CPN1: variants seen among roughly 807,000 people sequenced by gnomAD.
CPN1 encodes carboxypeptidase N subunit 1.
CPN1 carries 37 observed loss-of-function variants against 46.4 expected under a neutral mutation model. The observed-to-expected ratio is 0.80, with a 90% CI of 0.61 to 1.05. The LOEUF (loss-of-function observed/expected upper bound fraction) is 1.05, where lower values mean the gene tolerates loss of function less well. CPN1 is among the 50% of genes least tolerant of loss of function. CPN1 has a pLI of 0.00. For missense variants in CPN1, 563 were observed against 602.6 expected, an observed-to-expected ratio of 0.93 and a Z score of 0.69; for synonymous variants, 224 against 235.4, an observed-to-expected ratio of 0.95 and a Z score of 0.44.
intron 5 of CPN1, among the ~76,000 whole-genome samples, chr10:100,062,231 C>A (rs758660797): frequency 9.9e-5 from 15 of 152,012 alleles, no homozygotes; most frequent in Non-Finnish European, 2.1e-4. Context: ...CTTCTCTATT[C>A]TTCAATCCAG....
chr10:100,055,356 C>G (rs141552874), intron 6 of CPN1, among the ~76,000 whole-genome samples: 5 of 151,826 alleles, frequency 3.3e-5, no homozygotes, highest in South Asian at 2.1e-4. Flanking sequence ...TTATCCCCCC[C>G]CCCAGCCCCT....
In CPN1 at chr10:100,067,379, G is replaced by C. The variant is rs111875056; in HGVS notation, c.577-2009C>G. 9.5e-3 allele frequency among the ~76,000 whole-genome samples: 1,454 copies of C among 152,274 alleles called. 34 individuals carry two copies. Among genetic ancestry groups the C allele is most frequent in the African/African-American group, 0.032 (1,334 of 41,552 alleles). On this transcript the variant is annotated intron_variant, in intron 3 of 8. Transcript: ENST00000370418. ...GATCTGCCCGCTTCTGCCTCCCAAAGTGCTGGGATTACAGGTGTGAGCCAC... is the reference window on the plus strand; with the variant it reads ...GATCTGCCCGCTTCTGCCTCCCAAACTGCTGGGATTACAGGTGTGAGCCAC...
At chr10:100,065,531 A>T in intron 3 of CPN1, 161 bp from the exon 4 acceptor site, 1 of 735,918 alleles carries the variant, frequency 1.4e-6, no homozygotes. Context: ...GGAAATGTTG[A>T]CCTTTGGAAT....
At chr10:100,065,125 G>T (rs1243141963) in intron 4 of CPN1, 63 bp downstream of exon 4, 1 of 1,566,078 alleles carries the variant, frequency 6.4e-7, no homozygotes, top group South Asian at 1.2e-5. Flanking sequence ...CTGTGTTACT[G>T]ACCTTAAGCT....
Position 100,065,169 on chromosome 10 carries a change from A to G in CPN1, c.759+19T>C. On this transcript the variant is annotated intron_variant, in intron 4 of 8. Transcript: ENST00000370418. ...GAGCCCCAAGTTCCCCTGGCGGGACAAGCTGCTTCTCCACATACCTTCTGG... is the reference window on the plus strand; with the variant it reads ...GAGCCCCAAGTTCCCCTGGCGGGACGAGCTGCTTCTCCACATACCTTCTGG... 6.2e-7 allele frequency: 1 copy of G among 1,606,128 alleles called. No homozygotes were observed. Among genetic ancestry groups the G allele is most frequent in the African/African-American group, 1.3e-5 (1 of 74,916 alleles).
At position 100,056,975 on chromosome 10, in the gene CPN1, C is replaced by T. The variant is rs375985826; in HGVS notation, c.1011+38G>A. On this transcript the variant is annotated intron_variant, in intron 6 of 8. Coordinates refer to ENST00000370418, the MANE Select transcript of CPN1 (RefSeq NM_001308.3). ...TTGCCTGCCATTGAGAAGCACTTCT[C>T]TTTTTGCAAACATGAGAGTTAACAA... The T allele has an allele frequency of 3.1e-6, 5 of 1,613,772 alleles. No homozygotes were observed. In the African/African-American group the frequency reaches 6.7e-5, roughly 22 times the overall value.
intron 8 of CPN1, among the ~76,000 whole-genome samples, chr10:100,048,299 A>G (rs1439703246): frequency 6.6e-6 from 1 of 152,210 alleles, no homozygotes; most frequent in Non-Finnish European, 1.5e-5. Flanking sequence ...GGAAGGATAT[A>G]ACAGGAGAGT....
intron 5 of CPN1, among the ~76,000 whole-genome samples, chr10:100,062,105 C>G (rs1276177931): frequency 6.6e-6 from 1 of 152,202 alleles, no homozygotes; most frequent in African/African-American, 2.4e-5. Context: ...GACCAGCCAC[C>G]AACTCAGTTC....
At chr10:100,045,103 T>G (rs896040647) in intron 8 of CPN1, among the ~76,000 whole-genome samples, 3 of 152,226 alleles carry the variant, frequency 2.0e-5, no homozygotes, top group African/African-American at 7.2e-5. Flanking sequence ...TAAATGGGTT[T>G]TTAGTTGTTA....
chr10:100,065,868 C>T (rs2041452036), intron 3 of CPN1, among the ~76,000 whole-genome samples: 2 of 151,698 alleles, frequency 1.3e-5, no homozygotes, highest in South Asian at 4.2e-4. Flanking sequence ...GAACTCTGTA[C>T]TTTTTGCTCA....
Position 100,057,109 on chromosome 10 carries a change from G to A in CPN1, c.915C>T (p.Ile305=). 1 of 1,614,182 alleles carries A rather than the reference G, an allele frequency of 6.2e-7. No homozygotes were observed. The highest frequency in any genetic ancestry group is 8.5e-7 in the Non-Finnish European group (1 of 1,180,036). Reference sequence around the variant, plus strand: ...ACTTGTCGCAACTCAGTTCCAGCGTGATCTCAAAGCAGTTGGTATGGAGAT... The same window carrying A: ...ACTTGTCGCAACTCAGTTCCAGCGTAATCTCAAAGCAGTTGGTATGGAGAT... The part of the protein sequence containing the change: ...FNYLHTNCFE[I]TLELSCDKFP... The change falls in exon 6 of 9, where the codon ATC becomes ATT. Residue 305 remains isoleucine (I), a synonymous_variant. Coordinates refer to ENST00000370418, the MANE Select transcript of CPN1 (RefSeq NM_001308.3).
intron 2 of CPN1, among the ~76,000 whole-genome samples, chr10:100,071,555 G>C (rs2041485352): frequency 1.3e-5 from 2 of 152,120 alleles, no homozygotes; most frequent in African/African-American, 2.4e-5. Flanking sequence ...CCTGATTCTA[G>C]GTGACCTCAT....
intron 8 of CPN1, among the ~76,000 whole-genome samples, chr10:100,047,335 G>A (rs1018486493): frequency 1.3e-5 from 2 of 151,956 alleles, no homozygotes; most frequent in African/African-American, 2.4e-5. Context: ...AAAGAGAGGA[G>A]GAGGAGGACA....
intron 8 of CPN1, among the ~76,000 whole-genome samples, chr10:100,043,945 G>A (rs1160610394): frequency 4.6e-5 from 7 of 152,152 alleles, no homozygotes; most frequent in African/African-American, 1.4e-4. Flanking sequence ...GGGTGTGGAA[G>A]AGCCGTAGAA....
chr10:100,044,486 C>T (rs548403564), intron 8 of CPN1, among the ~76,000 whole-genome samples: 152 of 151,120 alleles, frequency 1.0e-3, no homozygotes, highest in Middle Eastern at 3.4e-3. Context: ...GTGATCCTCC[C>T]ACCTCAGCCT....
In CPN1 at chr10:100,069,763, T is replaced by C. The variant is rs369429301; in HGVS notation, c.527A>G (p.Tyr176Cys). The C allele has an allele frequency of 2.0e-5, 32 of 1,613,828 alleles. No homozygotes were observed. Among genetic ancestry groups the C allele is most frequent in the Non-Finnish European group, 2.6e-5 (31 of 1,179,996 alleles). Reference sequence around the variant, plus strand: ...GGGCAGGTGGTGGTTGGGGCCTCCGTACTTCTCGTTATAGTAGATATAGGT... The same window carrying C: ...GGGCAGGTGGTGGTTGGGGCCTCCGCACTTCTCGTTATAGTAGATATAGGT... ...LNTYIYYNEK[Y>C]GGPNHHLPLP... The change falls in exon 3 of 9, where the codon TAC becomes TGC. Residue 176 changes from tyrosine (Y) to cysteine (C), a missense_variant. Physicochemically the swap from Tyr to Cys is radical, Grantham distance 194. Transcript: ENST00000370418.
chr10:100,056,904 T>C (rs1226324998), intron 6 of CPN1, 109 bp downstream of exon 6: 29 of 1,354,320 alleles, frequency 2.1e-5, no homozygotes, highest in Admixed American at 8.4e-5. Context: ...CCCAGATCTA[T>C]TGGACTGAGT....
chr10:100,072,494 A>T (rs2133445325), intron 2 of CPN1, among the ~76,000 whole-genome samples: 1 of 152,230 alleles, frequency 6.6e-6, no homozygotes, highest in African/African-American at 2.4e-5. Flanking sequence ...GAAACTGTTA[A>T]ACTGTTTTTC....
chr10:100,068,154 C>CAAA (rs753569536), intron 3 of CPN1, among the ~76,000 whole-genome samples: 26 of 55,176 alleles, frequency 4.7e-4, no homozygotes, highest in African/African-American at 1.0e-3. Flanking sequence ...GACTCTGTCT[C>CAAA]AAAAAAAAAA....
Sources: allele counts gnomAD v4.1 joint callset (sites outside exome capture counted in the v4.1 genomes callset), GRCh38; gene constraint gnomAD v4.1.1; transcripts MANE v1.5; gene names NCBI Gene and HGNC (gene_info 2026-07-23, HGNC 2026-07-21).